TMEM45A: variants seen among roughly 807,000 people sequenced by gnomAD.
The protein encoded by TMEM45A is DNA polymerase-transactivated protein 4.
Under a neutral mutation model 32.0 loss-of-function variants are expected in TMEM45A, and 25 were observed. The observed-to-expected ratio is 0.78, with a 90% CI of 0.57 to 1.09. The LOEUF (loss-of-function observed/expected upper bound fraction) is 1.09. Among genes scored for constraint, TMEM45A ranks in the 50% least tolerant of loss-of-function variants. TMEM45A has a pLI of 0.00. For synonymous variants in TMEM45A, 122 were observed against 114.8 expected (o/e 1.06, Z -0.40); for missense variants, 302 against 325.0 (o/e 0.93, Z 0.54).
chr3:100,549,619 C>G (rs1211013680), intron 1 of TMEM45A, among the ~76,000 whole-genome samples: 1 of 152,198 alleles, frequency 6.6e-6, no homozygotes, highest in African/African-American at 2.4e-5. Flanking sequence ...GGTTTACCTG[C>G]TCATGCTAGA....
intron 1 of TMEM45A, among the ~76,000 whole-genome samples, chr3:100,514,714 C>T (rs956747831): frequency 5.9e-5 from 9 of 152,024 alleles, no homozygotes; most frequent in South Asian, 2.1e-4. Context: ...AGAAAATGTT[C>T]GCAACCTACT....
intron 1 of TMEM45A, among the ~76,000 whole-genome samples, chr3:100,508,274 C>T (rs535373207): frequency 6.6e-6 from 1 of 152,214 alleles, no homozygotes; most frequent in South Asian, 2.1e-4. Flanking sequence ...ACACACATAG[C>T]CCAAGACTGA....
At chr3:100,496,605 G>A (rs1178484982) in intron 1 of TMEM45A, among the ~76,000 whole-genome samples, 1 of 152,208 alleles carries the variant, frequency 6.6e-6, no homozygotes, top group Non-Finnish European at 1.5e-5. Context: ...ATATTGATTT[G>A]GTAAAATTTG....
chr3:100,526,209 G>A (rs1039985753), intron 1 of TMEM45A, among the ~76,000 whole-genome samples: 1 of 152,210 alleles, frequency 6.6e-6, no homozygotes, highest in Admixed American at 6.5e-5. Flanking sequence ...TGTGCTGGGA[G>A]CTTCTGGACG....
At chr3:100,556,622 G>T (rs1329966603) in intron 2 of TMEM45A, 138 bp from the exon 3 acceptor site, 1 of 835,834 alleles carries the variant, frequency 1.2e-6, no homozygotes, top group African/African-American at 1.7e-5. Flanking sequence ...GTGCTCAGCT[G>T]TTAGGGAACA....
chr3:100,555,253 T>C lies in TMEM45A; in HGVS notation c.42T>C (p.Phe14=). ...GTCATGCCCTCCCTGGAACCTTCTT[T>C]TTTATTATTGGTCTTTGGTGGTGTA... ...FRGHALPGTF[F]FIIGLWWCTK... The change falls in exon 2 of 6, where the codon TTT becomes TTC. Residue 14 remains phenylalanine, a synonymous_variant. Coordinates refer to ENST00000323523, the MANE Select transcript of TMEM45A (RefSeq NM_018004.3). 1 of 1,611,710 alleles carries C rather than the reference T, an allele frequency of 6.2e-7. No homozygotes were observed. The highest frequency in any genetic ancestry group is 1.1e-5 in the South Asian group (1 of 90,464).
chr3:100,527,102 T>C (rs1177235445), intron 1 of TMEM45A, among the ~76,000 whole-genome samples: 1 of 152,208 alleles, frequency 6.6e-6, no homozygotes, highest in Non-Finnish European at 1.5e-5. Context: ...CCGCCTTTCT[T>C]TCTATTGATC....
chr3:100,511,789 C>A (rs1269700616), intron 1 of TMEM45A, among the ~76,000 whole-genome samples: 1 of 151,810 alleles, frequency 6.6e-6, no homozygotes, highest in East Asian at 1.9e-4. Context: ...ATCTACCGAG[C>A]AAATGGAAAA....
At chr3:100,568,583 A>G (rs1308939905) in intron 4 of TMEM45A, among the ~76,000 whole-genome samples, 1 of 152,240 alleles carries the variant, frequency 6.6e-6, no homozygotes, top group Non-Finnish European at 1.5e-5. Flanking sequence ...TAGCAAGATG[A>G]CTGTTTATAT....
intron 1 of TMEM45A, among the ~76,000 whole-genome samples, chr3:100,514,426 T>C (rs1285596260): frequency 3.9e-5 from 6 of 152,020 alleles, no homozygotes; most frequent in East Asian, 3.8e-4. Context: ...TAGCCATATG[T>C]AGAAAGCTGA....
intron 1 of TMEM45A, among the ~76,000 whole-genome samples, chr3:100,554,764 G>C (rs1559649409): frequency 6.6e-6 from 1 of 152,210 alleles, no homozygotes; most frequent in African/African-American, 2.4e-5. Context: ...AAGGGCCACT[G>C]TATGGCGAAG....
chr3:100,547,664 C>T (rs952549596), intron 1 of TMEM45A, among the ~76,000 whole-genome samples: 1 of 151,892 alleles, frequency 6.6e-6, no homozygotes, highest in Non-Finnish European at 1.5e-5. Flanking sequence ...TATAAGTGAA[C>T]CAACCCAGTT....
intron 1 of TMEM45A, among the ~76,000 whole-genome samples, chr3:100,546,979 G>A (rs1442434205): frequency 2.0e-5 from 3 of 152,114 alleles, no homozygotes; most frequent in Admixed American, 2.0e-4. Flanking sequence ...GAACAATGCA[G>A]GGGTTAGGGG....
At chr3:100,542,614 A>G (rs1200231964) in intron 1 of TMEM45A, among the ~76,000 whole-genome samples, 1 of 152,212 alleles carries the variant, frequency 6.6e-6, no homozygotes, top group Non-Finnish European at 1.5e-5. Context: ...AGCACCATTC[A>G]CAATAGCAAA....
rs1426799844 is a variant in TMEM45A at position 100,576,892 on chromosome 3, C to A, written c.735-33C>A. 17 of 1,507,156 alleles carry A rather than the reference C, an allele frequency of 1.1e-5. No individual in the cohort carries two copies. In the Admixed American group the frequency reaches 2.2e-4, roughly 20 times the overall value. The allele number at this position is 1,507,156 out of a possible 1,614,324, so 93.4% of individuals were successfully genotyped here. On this transcript the variant is annotated intron_variant, in intron 5 of 5. Coordinates refer to ENST00000323523, the MANE Select transcript of TMEM45A (RefSeq NM_018004.3). ...TGCTCTGGGTTTCTATTTTAAAAAC[C>A]GTCTAACTTGAGATGCTTTTCTTTC... is the stretch of plus-strand genomic sequence containing the variant.
At chr3:100,559,253 T>C (rs192440104) in intron 4 of TMEM45A, among the ~76,000 whole-genome samples, 17 of 152,376 alleles carry the variant, frequency 1.1e-4, no homozygotes, top group African/African-American at 3.6e-4. Flanking sequence ...CATACATATC[T>C]GTAAACAAAG....
Position 100,577,305 on chromosome 3 carries a change from A to C in TMEM45A, c.*287A>C. The C allele has an allele frequency of 3.6e-6, 1 of 281,118 alleles. No homozygotes were observed. The highest frequency in any genetic ancestry group is 6.6e-6 in the Non-Finnish European group (1 of 151,466). The allele number at this position is 281,118 out of a possible 1,614,324, so 17.4% of individuals were successfully genotyped here. The stretch of plus-strand genomic sequence containing the variant: ...AGTTGGATGCCCACACTATGAAAGA[A>C]ATATTTGTTTTATTTGCCTTATAGA... On this transcript the variant is annotated 3_prime_UTR_variant, in exon 6 of 6. Transcript: ENST00000323523.
intron 1 of TMEM45A, among the ~76,000 whole-genome samples, chr3:100,552,281 G>GCTTT: frequency 6.6e-6 from 1 of 152,204 alleles, no homozygotes; most frequent in African/African-American, 2.4e-5. Flanking sequence ...AGTTGCACAG[G>GCTTT]CTTTCATAAT....
chr3:100,569,887 A>G, intron 5 of TMEM45A, among the ~76,000 whole-genome samples: 1 of 152,226 alleles, frequency 6.6e-6, no homozygotes, highest in Non-Finnish European at 1.5e-5. Flanking sequence ...CTTGGAGTTC[A>G]GGGGAGGCCT....
Sources: allele counts gnomAD v4.1 joint callset (sites outside exome capture counted in the v4.1 genomes callset), GRCh38; gene constraint gnomAD v4.1.1; transcripts MANE v1.5; gene names NCBI Gene and HGNC (gene_info 2026-07-23, HGNC 2026-07-21).